Variants in HSP90AA1 observed in about 807,000 individuals in gnomAD.
HSP90AA1 encodes heat shock protein 90 alpha family class A member 1, also known as heat shock protein HSP 90-alpha.
HSP90AA1 carries 18 observed loss-of-function variants against 73.3 expected under a neutral mutation model. The ratio of observed to expected loss-of-function variants is 0.25; its 90% CI spans 0.17 to 0.36. HSP90AA1 has a LOEUF of 0.36. Ranked by LOEUF, HSP90AA1 falls within the 10% of genes least tolerant of loss-of-function variation. The pLI, the probability that HSP90AA1 is intolerant of heterozygous loss-of-function variation, is 1.00. For synonymous variants in HSP90AA1, 477 were observed against 296.9 expected, an observed-to-expected ratio of 1.61 and a Z score of -6.24; for missense variants, 704 against 874.2, an observed-to-expected ratio of 0.81 and a Z score of 2.45.
intron 1 of HSP90AA1, among the ~76,000 whole-genome samples, chr14:102,102,701 A>G (rs923422541): frequency 2.0e-5 from 3 of 152,224 alleles, no homozygotes; most frequent in Non-Finnish European, 4.4e-5. Context: ...TGATTATTCT[A>G]GAGACTAACT....
At chr14:102,129,561 G>A (rs1415271612) in intron 1 of HSP90AA1, among the ~76,000 whole-genome samples, 1 of 149,468 alleles carries the variant, frequency 6.7e-6, no homozygotes, top group South Asian at 2.1e-4. Context: ...AAAGTGCAGT[G>A]GCTTGATCTC....
At chr14:102,096,684 GA>G (rs1219569383) in intron 2 of HSP90AA1, among the ~76,000 whole-genome samples, 1 of 152,226 alleles carries the variant, frequency 6.6e-6, no homozygotes, top group African/African-American at 2.4e-5. Flanking sequence ...TATGTGTGCT[GA>G]ATGGATAACT....
intron 6 of HSP90AA1, 96 bp from the exon 7 acceptor site, chr14:102,084,079 G>T: frequency 3.0e-6 from 3 of 992,802 alleles, no homozygotes; most frequent in Non-Finnish European, 3.1e-6. Flanking sequence ...AAGATGATGG[G>T]ACGTATTTTT....
Position 102,082,277 on chromosome 14 carries a change from G to A in HSP90AA1, c.1923C>T (p.Ser641=), listed in dbSNP as rs2152609818. ...KKHLEINPDH[S]IIETLRQKAE... ...CCTTTTGCCTTAAGGTCTCAATAAT[G>A]GAATGGTCAGGGTTTATCTCCAGGT... is the stretch of plus-strand genomic sequence containing the variant. Residue 641 remains serine (S), a synonymous_variant, in exon 10 of 11, where the codon TCC becomes TCT. Coordinates refer to ENST00000216281, the MANE Select transcript of HSP90AA1 (RefSeq NM_005348.4). The A allele has an allele frequency of 1.4e-5, 23 of 1,613,908 alleles. No individual in the cohort carries two copies. The highest frequency in any genetic ancestry group is 1.9e-5 in the Non-Finnish European group (23 of 1,179,844).
intron 1 of HSP90AA1, among the ~76,000 whole-genome samples, chr14:102,123,815 A>G (rs2049808563): frequency 6.6e-6 from 1 of 152,056 alleles, no homozygotes; most frequent in African/African-American, 2.4e-5. Context: ...GTTTTTTTTA[A>G]TTGAGACAGG....
At chr14:102,089,632 A>G (rs1476239039), upstream of HSP90AA1, among the ~76,000 whole-genome samples, 3 of 151,938 alleles carry the variant, frequency 2.0e-5, no homozygotes, top group Non-Finnish European at 4.4e-5. Flanking sequence ...TTGTGTGCAG[A>G]TGACTCACGG....
intron 1 of HSP90AA1, among the ~76,000 whole-genome samples, chr14:102,137,137 T>C (rs2050010965): frequency 6.6e-6 from 1 of 151,588 alleles, no homozygotes; most frequent in Non-Finnish European, 1.5e-5. Flanking sequence ...TTGCTTGAAC[T>C]TGGGAGGCGG....
chr14:102,083,133 T>C lies in HSP90AA1; in HGVS notation c.1656A>G (p.Pro552=). 8.1e-6 allele frequency: 13 copies of C among 1,614,074 alleles called. No individual in the cohort carries two copies. Among genetic ancestry groups the C allele is most frequent in the South Asian group, 3.3e-5 (3 of 91,084 alleles). Residue 552 remains proline (P), a synonymous_variant, in exon 9 of 11, where the codon CCA becomes CCG. Transcript: ENST00000216281. ...GCTTCTTTTTCTCTTCTTCATCCTCTGGAAGTTCCAGGCCTTCTTTGGTGA... is the reference window on the plus strand; with the variant it reads ...GCTTCTTTTTCTCTTCTTCATCCTCCGGAAGTTCCAGGCCTTCTTTGGTGA... The part of the protein sequence containing the change: ...VSVTKEGLEL[P]EDEEEKKKQE...
intron 1 of HSP90AA1, among the ~76,000 whole-genome samples, chr14:102,127,309 G>C (rs1218942630): frequency 6.6e-6 from 1 of 152,138 alleles, no homozygotes; most frequent in Non-Finnish European, 1.5e-5. Context: ...ACTTCTTACT[G>C]GAGGAGCTTA....
Position 102,086,052 on chromosome 14 carries a change from T to A in HSP90AA1, c.235A>T (p.Asn79Tyr). The A allele has an allele frequency of 6.2e-7, 1 of 1,613,952 alleles. No individual in the cohort carries two copies. The highest frequency in any genetic ancestry group is 8.5e-7 in the Non-Finnish European group (1 of 1,179,848). The change falls in exon 3 of 11, where the codon AAC becomes TAC. Residue 79 changes from asparagine (N) to tyrosine (Y), a missense_variant. Asn to Tyr is a moderately radical substitution (Grantham distance 143). Transcript: ENST00000216281. ...CGATCTTGTTTGTTCGGTATAAGGT[T>A]AATATGCAGCTCTTTCCCAGAGTCT... Reference protein sequence around the residue: ...KLDSGKELHINLIPNKQDRTL... With the variant: ...KLDSGKELHIYLIPNKQDRTL...
intron 2 of HSP90AA1, among the ~76,000 whole-genome samples, chr14:102,093,584 G>C (rs951418103): frequency 5.3e-5 from 8 of 152,026 alleles, no homozygotes; most frequent in African/African-American, 1.9e-4. Context: ...TGTGAATTCT[G>C]GTCCTGCCAC....
intron 1 of HSP90AA1, among the ~76,000 whole-genome samples, chr14:102,134,944 C>G (rs528723003): frequency 6.6e-6 from 1 of 152,260 alleles, no homozygotes; most frequent in Non-Finnish European, 1.5e-5. Flanking sequence ...CTGATTGGTG[C>G]GTTTACAATC....
intron 1 of HSP90AA1, among the ~76,000 whole-genome samples, chr14:102,114,953 T>A (rs1313040739): frequency 6.6e-6 from 1 of 152,014 alleles, no homozygotes; most frequent in African/African-American, 2.4e-5. Flanking sequence ...GCTAACACGG[T>A]GAAACCCCGT....
chr14:102,085,035 C>G (rs949891308), intron 4 of HSP90AA1, 37 bp from the exon 5 acceptor site: 2 of 1,613,896 alleles, frequency 1.2e-6, no homozygotes, highest in Non-Finnish European at 1.7e-6. Flanking sequence ...CACTGCTGCA[C>G]TCCAGAACTA....
At chr14:102,082,012 G>A (rs2049111392) in intron 10 of HSP90AA1, 99 bp downstream of exon 10, 3 of 884,028 alleles carry the variant, frequency 3.4e-6, no homozygotes, top group Non-Finnish European at 5.6e-6. Context: ...GCAGCAAGCA[G>A]GACAAGGTGC....
intron 1 of HSP90AA1, among the ~76,000 whole-genome samples, chr14:102,125,795 G>C (rs954729080): frequency 6.6e-6 from 1 of 152,070 alleles, no homozygotes; most frequent in Non-Finnish European, 1.5e-5. Context: ...ATTAACATAA[G>C]GTGCTAAAAG....
intron 1 of HSP90AA1, among the ~76,000 whole-genome samples, chr14:102,115,207 G>C (rs2049691359): frequency 6.6e-6 from 1 of 151,880 alleles, no homozygotes; most frequent in African/African-American, 2.4e-5. Context: ...GCTGAGACAA[G>C]AGGATCCCTT....
chr14:102,091,951 T>G (rs375991272), upstream of HSP90AA1, among the ~76,000 whole-genome samples: 3 of 151,916 alleles, frequency 2.0e-5, no homozygotes, highest in South Asian at 2.1e-4. Flanking sequence ...TTGATACATT[T>G]TCTCATTTTC....
At chr14:102,082,974 T>A in intron 9 of HSP90AA1, 60 bp downstream of exon 9, 1 of 1,526,940 alleles carries the variant, frequency 6.5e-7, no homozygotes. Context: ...GGGCTATGTA[T>A]GACTAAGCTT....
Sources: allele counts gnomAD v4.1 joint callset (sites outside exome capture counted in the v4.1 genomes callset), GRCh38; gene constraint gnomAD v4.1.1; transcripts MANE v1.5; gene names NCBI Gene and HGNC (gene_info 2026-07-23, HGNC 2026-07-21).